The following TASP1 variants were observed in gnomAD, a reference collection of about 807,000 sequenced individuals.
TASP1 encodes the protein taspase 1.
In TASP1, 16 loss-of-function variants were observed where a neutral mutation model predicts 56.6. The observed-to-expected ratio is 0.28, with a 90% confidence interval of 0.19 to 0.43. The LOEUF (loss-of-function observed/expected upper bound fraction) is 0.43, where lower values mean the gene tolerates loss of function less well. TASP1 is among the 20% of genes least tolerant of loss of function. The pLI is 1.00. For synonymous variants in TASP1, 179 were observed against 184.2 expected, an observed-to-expected ratio of 0.97 and a Z score of 0.23; for missense variants, 393 against 511.6, an observed-to-expected ratio of 0.77 and a Z score of 2.24.
chr20:13,122,588 A>G, the TASP1 span, among the ~76,000 whole-genome samples: 1 of 152,226 alleles, frequency 6.6e-6, no homozygotes, highest in Admixed American at 6.5e-5. Context: ...TCTGTGATTC[A>G]GTTGTTCTGT....
intron 1 of TASP1, among the ~76,000 whole-genome samples, chr20:13,632,093 A>G (rs1160015546): frequency 2.0e-5 from 3 of 147,324 alleles, no homozygotes; most frequent in African/African-American, 7.5e-5. Context: ...GGCCGGGCAC[A>G]GTGACTCACG....
At chr20:13,366,049 G>A in the TASP1 span, among the ~76,000 whole-genome samples, 16 of 152,280 alleles carry the variant, frequency 1.1e-4, no homozygotes, top group African/African-American at 3.9e-4. Context: ...GGGCAAGCGA[G>A]AACAACATCA....
At chr20:13,139,597 C>G in the TASP1 span, among the ~76,000 whole-genome samples, 1 of 152,158 alleles carries the variant, frequency 6.6e-6, no homozygotes, top group Non-Finnish European at 1.5e-5. Flanking sequence ...AGGCACATTG[C>G]ATTTCTGCCC....
At chr20:13,210,174 C>T in the TASP1 span, among the ~76,000 whole-genome samples, 1 of 152,220 alleles carries the variant, frequency 6.6e-6, no homozygotes, top group Admixed American at 6.5e-5. Flanking sequence ...TACATGTAGC[C>T]GCCAACCATT....
In TASP1 at chr20:13,446,065, G is replaced by C. The variant is rs73901175; in HGVS notation, c.986-10911C>G. On this transcript the variant is annotated intron_variant, in intron 11 of 13. Coordinates refer to ENST00000337743, the MANE Select transcript of TASP1 (RefSeq NM_017714.3). ...ATCAATAAACAATCAATGTTAGAAG[G>C]GAAAATCAAGCAGGATAAGAGAGAC... 8.7e-3 allele frequency among the ~76,000 whole-genome samples: 1,323 copies of C among 152,138 alleles called. 21 individuals carry two copies. Among genetic ancestry groups the C allele is most frequent in the African/African-American group, 0.03 (1,233 of 41,490 alleles).
At chr20:13,126,804 T>C in the TASP1 span, 1 of 1,508,574 alleles carries the variant, frequency 6.6e-7, no homozygotes, top group South Asian at 1.3e-5. Context: ...AATACACACC[T>C]TTATCTTATA....
At chr20:13,352,447 CAA>C in the TASP1 span, among the ~76,000 whole-genome samples, 3,193 of 85,286 alleles carry the variant, frequency 0.037, 49 homozygotes, top group African/African-American at 0.073. Flanking sequence ...AAGACTGTCT[CAA>C]AAAAAAAAAA....
chr20:13,293,745 G>A, the TASP1 span, among the ~76,000 whole-genome samples: 3 of 152,118 alleles, frequency 2.0e-5, no homozygotes, highest in Non-Finnish European at 1.5e-5. Flanking sequence ...AGGCTGAGGC[G>A]GGTGGATCAC....
At chr20:13,356,737 C>T in the TASP1 span, among the ~76,000 whole-genome samples, 1 of 152,138 alleles carries the variant, frequency 6.6e-6, no homozygotes, top group Non-Finnish European at 1.5e-5. Flanking sequence ...GAAAGGCCTG[C>T]CTTAAACCAC....
chr20:13,508,660 T>G (rs746025981), intron 10 of TASP1, among the ~76,000 whole-genome samples: 38 of 152,266 alleles, frequency 2.5e-4, no homozygotes, highest in Non-Finnish European at 4.4e-4. Context: ...AATAACTTTA[T>G]TTTTTATAAT....
chr20:13,266,006 AG>A, the TASP1 span, among the ~76,000 whole-genome samples: 1 of 152,152 alleles, frequency 6.6e-6, no homozygotes, highest in African/African-American at 2.4e-5. Flanking sequence ...TCCTCATTTC[AG>A]GCAGGACAAA....
rs532470520 is a variant in TASP1 at position 13,527,879 on chromosome 20, T to G, written c.874+554A>C. Among the ~76,000 whole-genome samples, 17 of 152,148 alleles carry G rather than the reference T, an allele frequency of 1.1e-4. No homozygotes were observed. The South Asian group carries it at 2.7e-3, about 24-fold the overall frequency. On this transcript the variant is annotated intron_variant, in intron 10 of 13. Coordinates refer to ENST00000337743, the MANE Select transcript of TASP1 (RefSeq NM_017714.3). Reference sequence around the variant, plus strand: ...GCATCATGGGTCATTAGAAAAAATATAGATCTATAAAAATATAATTAACCA... The same window carrying G: ...GCATCATGGGTCATTAGAAAAAATAGAGATCTATAAAAATATAATTAACCA...
At chr20:13,637,358 T>C (rs2049345962) in intron 1 of TASP1, among the ~76,000 whole-genome samples, 1 of 152,214 alleles carries the variant, frequency 6.6e-6, no homozygotes, top group Admixed American at 6.5e-5. Flanking sequence ...AACATAGAGT[T>C]ACCATATGCC....
chr20:13,563,318 T>A (rs1370381262), intron 7 of TASP1, among the ~76,000 whole-genome samples: 5 of 151,238 alleles, frequency 3.3e-5, no homozygotes, highest in Admixed American at 2.0e-4. Flanking sequence ...AAAAAAAAAA[T>A]TCCCAGACTT....
chr20:13,198,560 C>A, the TASP1 span, among the ~76,000 whole-genome samples: 1 of 149,106 alleles, frequency 6.7e-6, no homozygotes, highest in Non-Finnish European at 1.5e-5. Context: ...AAATATTTAA[C>A]ATGAGATCTA....
chr20:13,405,267 T>A (rs2041874600), intron 13 of TASP1, among the ~76,000 whole-genome samples: 1 of 152,224 alleles, frequency 6.6e-6, no homozygotes, highest in South Asian at 2.1e-4. Flanking sequence ...GATAACATTT[T>A]AAAATGTATA....
At chr20:13,499,664 G>A (rs533494687) in intron 10 of TASP1, among the ~76,000 whole-genome samples, 63 of 152,040 alleles carry the variant, frequency 4.1e-4, no homozygotes, top group Non-Finnish European at 8.1e-4. Context: ...AAGGAATGGA[G>A]TCTTTGATGC....
chr20:13,611,293 A>C (rs1175526779), intron 4 of TASP1, among the ~76,000 whole-genome samples: 1 of 152,182 alleles, frequency 6.6e-6, no homozygotes, highest in Non-Finnish European at 1.5e-5. Flanking sequence ...CAAACAGTAA[A>C]AACAATATTT....
At chr20:13,240,191 T>C in the TASP1 span, among the ~76,000 whole-genome samples, 10 of 152,372 alleles carry the variant, frequency 6.6e-5, no homozygotes, top group Non-Finnish European at 1.5e-4. Context: ...TCAGCAGATA[T>C]TGTGCTAGGC....
Sources: gnomAD v4.1 joint callset for allele counts (sites outside exome capture counted in the v4.1 genomes callset) on GRCh38, gnomAD v4.1.1 for gene constraint, MANE v1.5 for transcripts, NCBI Gene and HGNC (gene_info 2026-07-23, HGNC 2026-07-21) for gene names.